Variants in CSMD1 observed in about 807,000 individuals in gnomAD.
CSMD1 encodes the protein CUB and sushi domain-containing protein 1.
CSMD1 carries 213 observed loss-of-function variants against 417.5 expected under a neutral mutation model. That is an observed-to-expected ratio of 0.51 (90% confidence interval 0.46 to 0.57). The LOEUF (loss-of-function observed/expected upper bound fraction) is 0.57. CSMD1 is among the 20% of genes least tolerant of loss of function. CSMD1 has a pLI of 0.00. For missense variants in CSMD1, 6,923 were observed against 4,529.7 expected, an observed-to-expected ratio of 1.53 and a Z score of -15.17; for synonymous variants, 2,862 against 1,736.8, an observed-to-expected ratio of 1.65 and a Z score of -16.11.
intron 26 of CSMD1, among the ~76,000 whole-genome samples, chr8:3,276,542 G>C (rs756382234): frequency 2.0e-4 from 31 of 152,130 alleles, no homozygotes; most frequent in Non-Finnish European, 3.7e-4. Flanking sequence ...GCAGAAGAAA[G>C]ACCTGCTCCC....
At chr8:3,981,182 G>C (rs762938194) in intron 5 of CSMD1, among the ~76,000 whole-genome samples, 19 of 152,268 alleles carry the variant, frequency 1.2e-4, no homozygotes, top group Non-Finnish European at 2.8e-4. Context: ...CCAAGAATGG[G>C]TATCTCCATA....
chr8:3,244,049 A>G (rs1029177219), intron 26 of CSMD1, among the ~76,000 whole-genome samples: 2 of 152,188 alleles, frequency 1.3e-5, no homozygotes, highest in African/African-American at 2.4e-5. Flanking sequence ...CTGTAGAAAA[A>G]TACATAAAGC....
At chr8:3,556,876 T>A (rs1467471611) in intron 10 of CSMD1, among the ~76,000 whole-genome samples, 3 of 152,142 alleles carry the variant, frequency 2.0e-5, no homozygotes, top group African/African-American at 7.2e-5. Context: ...GCACACTTCG[T>A]ACTTCACAGG....
At chr8:4,441,099 T>TTG (rs1798448343) in intron 2 of CSMD1, among the ~76,000 whole-genome samples, 1 of 97,960 alleles carries the variant, frequency 1.0e-5, no homozygotes, top group Admixed American at 1.2e-4. Context: ...CAAAAGGTTT[T>TTG]TTTTTTTTTT....
chr8:3,461,995 T>G (rs1816535582), intron 12 of CSMD1, among the ~76,000 whole-genome samples: 1 of 152,216 alleles, frequency 6.6e-6, no homozygotes, highest in East Asian at 1.9e-4. Flanking sequence ...GTTACACGTG[T>G]TCCTAGGAAA....
intron 18 of CSMD1, among the ~76,000 whole-genome samples, chr8:3,370,168 T>A (rs1162803835): frequency 2.0e-5 from 3 of 152,196 alleles, no homozygotes; most frequent in Admixed American, 1.3e-4. Flanking sequence ...AGACTCCATA[T>A]GCCCTAATTT....
chr8:4,175,143 G>A lies in CSMD1; in HGVS notation c.416-143044C>T, dbSNP rs144846179. Among the ~76,000 whole-genome samples the A allele has an allele frequency of 8.9e-4, 136 of 151,980 alleles. 1 individual carries two copies. In the East Asian group the frequency reaches 0.023, roughly 26 times the overall value. On this transcript the variant is annotated intron_variant, in intron 3 of 69. Transcript: ENST00000635120. ...TATCTGAGGAATAGTGTAAGACCTC[G>A]ACCATCAAGAAAGATCATTGTTGAA...
intron 1 of CSMD1, among the ~76,000 whole-genome samples, chr8:4,943,602 T>C (rs1447241505): frequency 1.3e-5 from 2 of 152,140 alleles, no homozygotes; most frequent in Non-Finnish European, 2.9e-5. Flanking sequence ...AAAAAATATA[T>C]CTCATATATC....
chr8:3,279,606 T>C (rs1167930004), intron 26 of CSMD1, among the ~76,000 whole-genome samples: 2 of 152,110 alleles, frequency 1.3e-5, no homozygotes, highest in African/African-American at 2.4e-5. Context: ...ATTAGTCTGC[T>C]CTCATGCAGC....
chr8:3,390,592 C>A (rs1009770556), intron 17 of CSMD1, among the ~76,000 whole-genome samples: 1 of 151,896 alleles, frequency 6.6e-6, no homozygotes, highest in Non-Finnish European at 1.5e-5. Context: ...AGTCTGTTCC[C>A]ACTCCTTCTT....
At chr8:4,368,173 G>A (rs961950554) in intron 3 of CSMD1, among the ~76,000 whole-genome samples, 1 of 152,084 alleles carries the variant, frequency 6.6e-6, no homozygotes, top group Admixed American at 6.6e-5. Flanking sequence ...TTCCTTCAAT[G>A]CCTAATTTGT....
chr8:3,294,464 G>A (rs1803812693), intron 25 of CSMD1, among the ~76,000 whole-genome samples: 2 of 152,192 alleles, frequency 1.3e-5, no homozygotes, highest in African/African-American at 2.4e-5. Context: ...GCTGTGGTGG[G>A]CTCCACCCAG....
intron 3 of CSMD1, among the ~76,000 whole-genome samples, chr8:4,129,822 C>G (rs1433319828): frequency 6.6e-6 from 1 of 152,126 alleles, no homozygotes; most frequent in African/African-American, 2.4e-5. Flanking sequence ...TCTAAGTTGT[C>G]TCTGACACCT....
At chr8:4,441,267 T>TG (rs1017456164) in intron 2 of CSMD1, among the ~76,000 whole-genome samples, 9 of 138,452 alleles carry the variant, frequency 6.5e-5, no homozygotes, top group African/African-American at 2.4e-4. Context: ...TCAGTTTTTT[T>TG]TTTTTTTTTT....
At chr8:3,445,686 G>C (rs112837211) in intron 12 of CSMD1, among the ~76,000 whole-genome samples, 21 of 152,262 alleles carry the variant, frequency 1.4e-4, no homozygotes, top group African/African-American at 4.1e-4. Context: ...GAGGGGACGA[G>C]AGGAAACAAG....
chr8:3,649,348 C>T (rs914629840), intron 7 of CSMD1, among the ~76,000 whole-genome samples: 6 of 152,138 alleles, frequency 3.9e-5, no homozygotes, highest in African/African-American at 1.4e-4. Flanking sequence ...TAGAAGAAAT[C>T]TAAATGTCCG....
At chr8:3,290,179 G>T (rs1803445255) in intron 25 of CSMD1, among the ~76,000 whole-genome samples, 1 of 146,992 alleles carries the variant, frequency 6.8e-6, no homozygotes, top group South Asian at 2.1e-4. Context: ...CTGTTCCATT[G>T]GTCTCTATCT....
chr8:4,972,633 C>G (rs764976994), intron 1 of CSMD1, among the ~76,000 whole-genome samples: 57 of 152,240 alleles, frequency 3.7e-4, no homozygotes, highest in Non-Finnish European at 6.9e-4. Flanking sequence ...TGAAAATGAA[C>G]TAATACAGAC....
At chr8:4,491,653 G>A (rs1052561395) in intron 2 of CSMD1, among the ~76,000 whole-genome samples, 19 of 152,140 alleles carry the variant, frequency 1.2e-4, no homozygotes, top group African/African-American at 4.3e-4. Flanking sequence ...TCAACCTCAT[G>A]TCCTTAGAAC....
Sources: allele counts gnomAD v4.1 joint callset (sites outside exome capture counted in the v4.1 genomes callset), GRCh38; gene constraint gnomAD v4.1.1; transcripts MANE v1.5; gene names NCBI Gene and HGNC (gene_info 2026-07-23, HGNC 2026-07-21).